The following RTN3 variants were observed in gnomAD, a reference collection of about 807,000 sequenced individuals.
The protein encoded by RTN3 is reticulon 3, also known as reticulon-3.
In RTN3, 49 loss-of-function variants were observed where a neutral mutation model predicts 77.8. The ratio of observed to expected loss-of-function variants is 0.63; its 90% CI spans 0.50 to 0.80. RTN3 has a LOEUF of 0.80. Ranked by LOEUF, RTN3 falls within the 30% of genes least tolerant of loss-of-function variation. The pLI is 0.00. For synonymous variants in RTN3, 464 were observed against 446.9 expected, an observed-to-expected ratio of 1.04 and a Z score of -0.48; for missense variants, 1,236 against 1,211.9, an observed-to-expected ratio of 1.02 and a Z score of -0.29.
rs2011659354 is a variant in RTN3 at position 63,720,241 on chromosome 11, C to G, written c.1739C>G (p.Ala580Gly). 2.5e-6 allele frequency: 4 copies of G among 1,614,070 alleles called. No individual in the cohort carries two copies. The highest frequency in any genetic ancestry group is 3.4e-6 in the Non-Finnish European group (4 of 1,179,996). Residue 580 changes from alanine (A) to glycine (G), a missense_variant, in exon 3 of 9, where the codon GCA becomes GGA. Ala to Gly is a moderately conservative substitution (Grantham distance 60). This residue lies in a region of RTN3 where 1,056 missense variants were observed against 990.4 expected (regional missense o/e 1.07). Coordinates refer to ENST00000377819, the MANE Select transcript of RTN3 (RefSeq NM_001265589.2). ...CTTGGAAGGAGTCCAGCTAGTGAGG[C>G]AGCATGTTCAAAAGTACCCGATACG... Reference protein sequence around the residue: ...DILGRSPASEAACSKVPDTNV... With the variant: ...DILGRSPASEGACSKVPDTNV...
chr11:63,746,112 A>G (rs1159929441), intron 3 of RTN3, among the ~76,000 whole-genome samples: 1 of 152,016 alleles, frequency 6.6e-6, no homozygotes, highest in Non-Finnish European at 1.5e-5. Context: ...CACCTGGCCT[A>G]AAGGTGTAGA....
chr11:63,682,045 G>T (rs1217243312), intron 1 of RTN3, among the ~76,000 whole-genome samples: 1 of 152,256 alleles, frequency 6.6e-6, no homozygotes, highest in Non-Finnish European at 1.5e-5. Flanking sequence ...CTGGGCAGGT[G>T]GGGAAAAATA....
intron 2 of RTN3, among the ~76,000 whole-genome samples, chr11:63,707,244 G>A (rs1342631679): frequency 6.6e-6 from 1 of 151,986 alleles, no homozygotes; most frequent in East Asian, 1.9e-4. Flanking sequence ...TACTCTAAAC[G>A]GTGTAACGGT....
chr11:63,747,095 A>C (rs945836071), intron 3 of RTN3: 2 of 437,310 alleles, frequency 4.6e-6, no homozygotes, highest in Admixed American at 2.4e-5. Flanking sequence ...GTTTTGTAGA[A>C]TATTTCTCAA....
chr11:63,698,102 G>A (rs1399813852), intron 1 of RTN3, among the ~76,000 whole-genome samples: 2 of 151,046 alleles, frequency 1.3e-5, no homozygotes, highest in Non-Finnish European at 2.9e-5. Flanking sequence ...TCATCAATGC[G>A]AAATTAATTT....
chr11:63,746,178 C>T (rs1369514922), intron 3 of RTN3, among the ~76,000 whole-genome samples: 1 of 152,166 alleles, frequency 6.6e-6, no homozygotes, highest in Non-Finnish European at 1.5e-5. Flanking sequence ...TTCTCTGATA[C>T]ATCAAGGTCC....
At chr11:63,755,888 G>A (rs1225932813) in intron 7 of RTN3, among the ~76,000 whole-genome samples, 5 of 151,978 alleles carry the variant, frequency 3.3e-5, no homozygotes, top group Admixed American at 3.3e-4. Context: ...GAACCCGGGA[G>A]GTGGAGCTTG....
At chr11:63,709,184 G>C (rs1295501947) in intron 2 of RTN3, among the ~76,000 whole-genome samples, 2 of 152,152 alleles carry the variant, frequency 1.3e-5, no homozygotes, top group African/African-American at 4.8e-5. Context: ...TCTTTTTAGA[G>C]ATGGCATTTT....
intron 7 of RTN3, among the ~76,000 whole-genome samples, chr11:63,755,323 A>G (rs945526560): frequency 1.6e-4 from 25 of 152,096 alleles, no homozygotes; most frequent in Admixed American, 1.4e-3. Flanking sequence ...TTTATGGTGT[A>G]ATTTGGATTC....
intron 3 of RTN3, among the ~76,000 whole-genome samples, chr11:63,721,313 G>A (rs370788132): frequency 2.0e-5 from 3 of 152,080 alleles, no homozygotes; most frequent in African/African-American, 4.8e-5. Context: ...GGTGGCTCAC[G>A]CCTATAATCC....
chr11:63,721,223 A>G (rs2011770067), intron 3 of RTN3, among the ~76,000 whole-genome samples, 191 bp downstream of exon 3: 1 of 152,108 alleles, frequency 6.6e-6, no homozygotes, highest in Non-Finnish European at 1.5e-5. Flanking sequence ...GGTTTCCTTA[A>G]TATCAATATT....
At position 63,719,662 on chromosome 11, in the gene RTN3, C is replaced by T. The variant is rs752214228; in HGVS notation, c.1160C>T (p.Thr387Ile). ...CTTAAAACTAGCACTCATCAGAAAA[C>T]TCCTGTATGTTCTATTGATGGGAGC... is the stretch of plus-strand genomic sequence containing the variant. ...VNLKTSTHQK[T>I]PVCSIDGSTP... is the part of the protein sequence containing the mutation. Residue 387 changes from threonine (T) to isoleucine (I), a missense_variant, in exon 3 of 9, where the codon ACT (threonine) becomes ATT (isoleucine). By Grantham distance (89) the Thr-to-Ile change is moderately conservative. This residue lies in a region of RTN3 where 1,056 missense variants were observed against 990.4 expected (regional missense o/e 1.07). Coordinates refer to ENST00000377819, the MANE Select transcript of RTN3 (RefSeq NM_001265589.2). 5.0e-6 allele frequency: 8 copies of T among 1,613,952 alleles called. No homozygotes were observed. The highest frequency in any genetic ancestry group is 6.8e-6 in the Non-Finnish European group (8 of 1,180,014).
At chr11:63,705,175 G>C (rs1001640802) in intron 2 of RTN3, among the ~76,000 whole-genome samples, 1 of 152,176 alleles carries the variant, frequency 6.6e-6, no homozygotes, top group Non-Finnish European at 1.5e-5. Context: ...TTGCCCACCA[G>C]AATTTGGAGC....
intron 3 of RTN3, among the ~76,000 whole-genome samples, chr11:63,740,823 G>GT (rs2013423404): frequency 6.6e-6 from 1 of 152,136 alleles, no homozygotes; most frequent in Non-Finnish European, 1.5e-5. Flanking sequence ...TGTTACAATT[G>GT]TAGCAGAGGT....
chr11:63,718,565 G>A (rs1269634606), intron 2 of RTN3, 137 bp from the exon 3 acceptor site: 2 of 492,686 alleles, frequency 4.1e-6, no homozygotes, highest in East Asian at 3.3e-5. Context: ...ACATATTTAT[G>A]TGTGTATATA....
intron 3 of RTN3, among the ~76,000 whole-genome samples, chr11:63,721,896 GTAC>G (rs2011841952): frequency 6.6e-6 from 1 of 152,064 alleles, no homozygotes; most frequent in Non-Finnish European, 1.5e-5. Flanking sequence ...CAGTATTGTA[GTAC>G]TATTTTGTGA....
chr11:63,747,251 G>A (rs533220741), intron 3 of RTN3, among the ~76,000 whole-genome samples: 6 of 152,336 alleles, frequency 3.9e-5, no homozygotes, highest in Admixed American at 3.9e-4. Context: ...GATGACGTCG[G>A]CCCTCTAAGC....
chr11:63,708,722 C>T (rs1246826972), intron 2 of RTN3, among the ~76,000 whole-genome samples: 2 of 152,192 alleles, frequency 1.3e-5, no homozygotes, highest in African/African-American at 2.4e-5. Context: ...TAATCAGTTC[C>T]TTCTTCAATA....
intron 1 of RTN3, among the ~76,000 whole-genome samples, chr11:63,685,903 A>G (rs961413374): frequency 3.9e-4 from 60 of 152,126 alleles, no homozygotes; most frequent in African/African-American, 1.4e-3. Context: ...GAGTGATGGC[A>G]CTCTGTACTT....
Sources: gnomAD v4.1 joint callset for allele counts (sites outside exome capture counted in the v4.1 genomes callset) on GRCh38, gnomAD v4.1.1 for gene constraint, gnomAD v4.1.1 regional missense constraint, MANE v1.5 for transcripts, NCBI Gene and HGNC (gene_info 2026-07-23, HGNC 2026-07-21) for gene names.